Variants in PDE4C observed in about 807,000 individuals in gnomAD.
The protein encoded by PDE4C is phosphodiesterase 4C.
A neutral mutation model predicts 63.9 loss-of-function variants in PDE4C; 50 were observed. The observed-to-expected ratio is 0.78, with a 90% CI of 0.62 to 0.99. The LOEUF is 0.99. Among genes scored for constraint, PDE4C ranks in the 50% least tolerant of loss-of-function variants. The pLI, the probability that PDE4C is intolerant of heterozygous loss-of-function variation, is 0.00. For synonymous variants in PDE4C, 377 were observed against 385.1 expected, an observed-to-expected ratio of 0.98 and a Z score of 0.25; for missense variants, 777 against 899.1, an observed-to-expected ratio of 0.86 and a Z score of 1.74.
chr19:18,226,091 A>T (rs1968708080), intron 1 of PDE4C, among the ~76,000 whole-genome samples, 179 bp downstream of exon 1: 1 of 152,186 alleles, frequency 6.6e-6, no homozygotes, highest in Non-Finnish European at 1.5e-5. Context: ...TGCGAGACAA[A>T]AGTAGGGTAA....
upstream of PDE4C, among the ~76,000 whole-genome samples, chr19:18,236,697 G>T (rs917524014): frequency 6.6e-6 from 1 of 152,180 alleles, no homozygotes; most frequent in African/African-American, 2.4e-5. Context: ...GCACCTCCTT[G>T]TGCATGGCTG....
chr19:18,229,483 C>T (rs868204551), upstream of PDE4C, among the ~76,000 whole-genome samples: 8 of 152,086 alleles, frequency 5.3e-5, no homozygotes, highest in African/African-American at 1.7e-4. Context: ...TCAGGTGATC[C>T]GTCTGCCTCA....
chr19:18,254,121 G>A, the PDE4C span, among the ~76,000 whole-genome samples: 2 of 152,176 alleles, frequency 1.3e-5, no homozygotes, highest in South Asian at 4.1e-4. Context: ...CTCAGGCTGG[G>A]CTTCATCCCC....
At chr19:18,244,933 T>G (rs534949289) in intron 1 of PDE4C, among the ~76,000 whole-genome samples, 2 of 152,108 alleles carry the variant, frequency 1.3e-5, no homozygotes, top group Non-Finnish European at 2.9e-5. Context: ...CCTCCCAGGT[T>G]CAGGTGATCT....
At chr19:18,212,413 G>A (rs1014650011) in intron 13 of PDE4C, among the ~76,000 whole-genome samples, 1 of 150,870 alleles carries the variant, frequency 6.6e-6, no homozygotes, top group African/African-American at 2.4e-5. Context: ...GAGCTCAAGC[G>A]ATCCACCCAT....
At chr19:18,251,901 A>T (rs1969234588), upstream of PDE4C, among the ~76,000 whole-genome samples, 1 of 151,910 alleles carries the variant, frequency 6.6e-6, no homozygotes, top group Non-Finnish European at 1.5e-5. Flanking sequence ...CTAGGCACTT[A>T]ATAAATGCGC....
At chr19:18,213,895 G>T (rs919203008) in intron 12 of PDE4C, among the ~76,000 whole-genome samples, 3 of 152,184 alleles carry the variant, frequency 2.0e-5, no homozygotes, top group Non-Finnish European at 4.4e-5. Context: ...CAGATCTTTA[G>T]CCACGTTGTT....
intron 1 of PDE4C, among the ~76,000 whole-genome samples, chr19:18,245,028 G>A (rs966467137): frequency 6.6e-6 from 1 of 151,958 alleles, no homozygotes; most frequent in African/African-American, 2.4e-5. Flanking sequence ...GTAGAGACAG[G>A]GTTTCACCAT....
At chr19:18,238,901 G>A (rs952104256) in intron 1 of PDE4C, among the ~76,000 whole-genome samples, 2 of 151,482 alleles carry the variant, frequency 1.3e-5, no homozygotes, top group African/African-American at 4.9e-5. Flanking sequence ...TGAGGCAGGA[G>A]AATCACTTGA....
chr19:18,217,001 G>T, intron 11 of PDE4C, 106 bp from the exon 12 acceptor site: 1 of 1,281,760 alleles, frequency 7.8e-7, no homozygotes, highest in Non-Finnish European at 1.1e-6. Context: ...TGCGTTGAAG[G>T]CCCAACTCTA....
rs567898184 is a variant in PDE4C, at chr19:18,219,254, G to C, written c.850C>G (p.Gln284Glu). ...CCCACCTTGGCCAGTTGCTCCTCCT[G>C]GTCAGTCTGGACCCCAAAGCGTGGG... The change falls in exon 8 of 15, where the codon CAG becomes GAG. Residue 284 changes from glutamine (Q) to glutamate (E), a missense_variant. Gln to Glu is a conservative substitution (Grantham distance 29). Coordinates refer to ENST00000262805, the Ensembl canonical transcript of PDE4C. The C allele has an allele frequency of 1.1e-5, 17 of 1,614,196 alleles. No individual in the cohort carries two copies. The South Asian group carries it at 1.8e-4, about 17-fold the overall frequency.
intron 12 of PDE4C, among the ~76,000 whole-genome samples, 177 bp downstream of exon 12, chr19:18,216,564 C>T (rs747062387): frequency 6.6e-5 from 10 of 152,264 alleles, no homozygotes; most frequent in East Asian, 1.9e-4. Context: ...CATGAGCCAC[C>T]GCCCCTGGCC....
In PDE4C at chr19:18,244,854, G is replaced by A. The variant is rs567614721; in HGVS notation, c.-210+3317C>T. Among the ~76,000 whole-genome samples the A allele has an allele frequency of 1.4e-4, 20 of 147,924 alleles. 1 individual carries two copies. Among genetic ancestry groups the A allele is most frequent in the Admixed American group, 1.2e-3 (18 of 14,644 alleles). Reference sequence around the variant, plus strand: ...TTTCTTTCTTTTTTTATTTTCTGTTGAGATGGAGTCTCACTCCTTCACCCA... The same window carrying A: ...TTTCTTTCTTTTTTTATTTTCTGTTAAGATGGAGTCTCACTCCTTCACCCA... On this transcript the variant is annotated intron_variant, in intron 1 of 15. Coordinates refer to the PDE4C transcript ENST00000594617.
chr19:18,240,482 C>G (rs1969018290), intron 1 of PDE4C, among the ~76,000 whole-genome samples: 1 of 150,414 alleles, frequency 6.6e-6, no homozygotes, highest in Non-Finnish European at 1.5e-5. Context: ...AATCCCAGCA[C>G]TTTGGGAAGC....
chr19:18,250,116 T>G, upstream of PDE4C: 1 of 398,736 alleles, frequency 2.5e-6, no homozygotes, highest in Non-Finnish European at 4.4e-6. Context: ...CCATCTCTGT[T>G]GGCTCCTCAG....
chr19:18,226,196 GT>G (rs1968711617), intron 1 of PDE4C, 73 bp downstream of exon 1: 1 of 1,273,758 alleles, frequency 7.9e-7, no homozygotes, highest in Non-Finnish European at 1.1e-6. Context: ...CCCTGGCCTT[GT>G]CCCTGTCCCT....
At chr19:18,222,306 C>A in exon 2 of PDE4C, 1 of 1,610,562 alleles carries the variant, frequency 6.2e-7, no homozygotes. Context: ...ACACGAGAGC[C>A]CATTTTCCAG....
chr19:18,238,393 G>A (rs1000483056), upstream of PDE4C, among the ~76,000 whole-genome samples: 2 of 151,392 alleles, frequency 1.3e-5, no homozygotes, highest in East Asian at 2.0e-4. Context: ...CCACCACCAC[G>A]CCTGGCTAAT....
intron 8 of PDE4C, 42 bp from the exon 9 acceptor site, chr19:18,219,080 C>A: frequency 6.3e-7 from 1 of 1,586,120 alleles, no homozygotes. Flanking sequence ...CCCAGCCCAA[C>A]TTCCCCAGAC....
Sources: gnomAD v4.1 joint callset for allele counts (sites outside exome capture counted in the v4.1 genomes callset) on GRCh38, gnomAD v4.1.1 for gene constraint, MANE v1.5 for transcripts, NCBI Gene and HGNC (gene_info 2026-07-23, HGNC 2026-07-21) for gene names.